PITPNC1: variants seen among roughly 807,000 people sequenced by gnomAD.
The protein encoded by PITPNC1 is cytoplasmic phosphatidylinositol transfer protein 1.
A neutral mutation model predicts 44.7 loss-of-function variants in PITPNC1; 18 were observed. The ratio of observed to expected loss-of-function variants is 0.40; its 90% CI spans 0.28 to 0.60. PITPNC1 has a LOEUF of 0.60. Ranked by LOEUF, PITPNC1 falls within the 20% of genes least tolerant of loss-of-function variation. PITPNC1 has a pLI of 0.39. For missense variants in PITPNC1, 290 were observed against 418.4 expected, an observed-to-expected ratio of 0.69 and a Z score of 2.68; for synonymous variants, 141 against 149.6, an observed-to-expected ratio of 0.94 and a Z score of 0.42.
At chr17:67,640,393 G>C (rs1242835691) in intron 6 of PITPNC1, among the ~76,000 whole-genome samples, 2 of 152,164 alleles carry the variant, frequency 1.3e-5, no homozygotes, top group South Asian at 4.1e-4. Flanking sequence ...GAAATTGAGA[G>C]AGAAGGCCAG....
chr17:67,532,434 C>T (rs2040474267), intron 1 of PITPNC1, among the ~76,000 whole-genome samples: 1 of 152,164 alleles, frequency 6.6e-6, no homozygotes, highest in African/African-American at 2.4e-5. Flanking sequence ...ATCACACACC[C>T]TCGGCTGTCT....
intron 7 of PITPNC1, among the ~76,000 whole-genome samples, chr17:67,675,009 T>TAA (rs1760446441): frequency 1.5e-5 from 1 of 64,802 alleles, no homozygotes. Flanking sequence ...AGACTCTGTC[T>TAA]CAAAAAAAAA....
rs374833998 is a variant in PITPNC1 at position 67,520,362 on chromosome 17, A to G, written c.49-12440A>G. On this transcript the variant is annotated intron_variant, in intron 1 of 8. Coordinates refer to ENST00000581322, the MANE Select transcript of PITPNC1 (RefSeq NM_012417.4). The stretch of plus-strand genomic sequence containing the variant: ...GATTTTCCCTCTTTTTGGTCTTGTG[A>G]TTGACTGTGGGTTTATGTTCTGTAG... Among the ~76,000 whole-genome samples the G allele has an allele frequency of 8.5e-5, 13 of 152,218 alleles. No homozygotes were observed. In the East Asian group the frequency reaches 2.3e-3, roughly 27 times the overall value.
chr17:67,435,107 T>TAA (rs1598658587), intron 1 of PITPNC1, among the ~76,000 whole-genome samples: 4 of 62,578 alleles, frequency 6.4e-5, no homozygotes, highest in South Asian at 6.9e-4. Context: ...AGACTCCATC[T>TAA]CAAAAAAAAA....
intron 1 of PITPNC1, among the ~76,000 whole-genome samples, chr17:67,439,325 G>A (rs940394972): frequency 2.6e-5 from 4 of 152,104 alleles, no homozygotes; most frequent in Non-Finnish European, 5.9e-5. Context: ...TGGCATGGCC[G>A]TCACCCTCCT....
chr17:67,403,237 A>AAAAAAAAAAAAAAAAAC (rs2038348845), intron 1 of PITPNC1, among the ~76,000 whole-genome samples: 1 of 151,214 alleles, frequency 6.6e-6, no homozygotes, highest in Non-Finnish European at 1.5e-5. Flanking sequence ...AAAAAAAAAA[A>AAAAAAAAAAAAAAAAAC]AAAAGTCATG....
intron 1 of PITPNC1, among the ~76,000 whole-genome samples, chr17:67,512,433 G>A (rs1018868140): frequency 8.6e-5 from 13 of 150,988 alleles, no homozygotes; most frequent in African/African-American, 2.2e-4. Flanking sequence ...CCTGGGAGGC[G>A]GAGGTTGCAG....
chr17:67,498,665 G>C (rs930513970), intron 1 of PITPNC1, among the ~76,000 whole-genome samples: 2 of 152,172 alleles, frequency 1.3e-5, no homozygotes, highest in Non-Finnish European at 2.9e-5. Context: ...CTCATCAATG[G>C]TGTGCAATGA....
chr17:67,616,519 C>T (rs1410353878), intron 5 of PITPNC1, among the ~76,000 whole-genome samples: 1 of 152,126 alleles, frequency 6.6e-6, no homozygotes, highest in African/African-American at 2.4e-5. Context: ...TTTTTCTCAT[C>T]GGTCACTGTA....
intron 1 of PITPNC1, among the ~76,000 whole-genome samples, chr17:67,419,846 C>G (rs1021488490): frequency 6.6e-6 from 1 of 151,080 alleles, no homozygotes; most frequent in Non-Finnish European, 1.5e-5. Flanking sequence ...GTGGAAGTTG[C>G]AGTGAGCCGA....
Position 67,599,018 on chromosome 17 carries a change from ATATATATATATATATATTTT to A in PITPNC1, c.366+20763_366+20782del, listed in dbSNP as rs1201926696. On this transcript the variant is annotated intron_variant, in intron 5 of 8. Transcript: ENST00000581322. ...AAGAAATACATATATATATATATATATATATATATATATATATTTTTTTTTTTTTTTTTTTTACCATGTTG... is the reference window on the plus strand; with the variant it reads ...AAGAAATACATATATATATATATATATTTTTTTTTTTTTTTTACCATGTTG... 5.3e-4 allele frequency among the ~76,000 whole-genome samples: 19 copies of A among 35,964 alleles called. 1 individual carries two copies. Among genetic ancestry groups the A allele is most frequent in the African/African-American group, 2.0e-3 (14 of 7,144 alleles). 23.6% of individuals were successfully genotyped at this position (35,964 alleles called of 152,430 possible).
In PITPNC1 at chr17:67,693,353, C is replaced by T. The variant is rs1241492198; in HGVS notation, c.*465C>T. On this transcript the variant is annotated 3_prime_UTR_variant, in exon 9 of 9. Coordinates refer to ENST00000581322, the MANE Select transcript of PITPNC1 (RefSeq NM_012417.4). Reference sequence around the variant, plus strand: ...CTGCTAATTACTAATACTTGAATACCAATAGTTACTGAGATTCCTATTTTG... The same window carrying T: ...CTGCTAATTACTAATACTTGAATACTAATAGTTACTGAGATTCCTATTTTG... 6.5e-6 allele frequency: 1 copy of T among 153,362 alleles called. No individual in the cohort carries two copies. The highest frequency in any genetic ancestry group is 1.5e-5 in the Non-Finnish European group (1 of 68,620). 9.5% of individuals were successfully genotyped at this position (153,362 alleles called of 1,614,324 possible). A position where few individuals can be genotyped will look rare whatever the true frequency, so the allele number is the denominator to read the frequency against.
intron 1 of PITPNC1, chr17:67,378,973 A>T: frequency 2.0e-6 from 2 of 985,220 alleles, no homozygotes; most frequent in Non-Finnish European, 2.4e-6. Flanking sequence ...CTCGTCCTCC[A>T]AGCGCGGCTC....
rs985127640 is a variant in PITPNC1 at position 67,378,065 on chromosome 17, G to A, written c.-90G>A. On this transcript the variant is annotated 5_prime_UTR_variant, in exon 1 of 9. Transcript: ENST00000581322. Reference sequence around the variant, plus strand: ...CCTCCGGCTCCGAGCGCCGGGCTCCGGGCGCCCTGCCCTGCGCCTGGGCAG... The same window carrying A: ...CCTCCGGCTCCGAGCGCCGGGCTCCAGGCGCCCTGCCCTGCGCCTGGGCAG... 1 of 781,754 alleles carries A rather than the reference G, an allele frequency of 1.3e-6. No homozygotes were observed. Among genetic ancestry groups the A allele is most frequent in the South Asian group, 2.5e-5 (1 of 40,666 alleles). 48.4% of individuals were successfully genotyped at this position (781,754 alleles called of 1,614,324 possible).
chr17:67,462,225 CTTT>C (rs549707875), intron 1 of PITPNC1, among the ~76,000 whole-genome samples: 13 of 71,254 alleles, frequency 1.8e-4, no homozygotes, highest in Admixed American at 1.1e-3. Context: ...TTCTTTCTTT[CTTT>C]TTTTTTTTTT....
chr17:67,634,150 G>A (rs796937067), intron 6 of PITPNC1, among the ~76,000 whole-genome samples: 4 of 152,240 alleles, frequency 2.6e-5, no homozygotes, highest in African/African-American at 7.2e-5. Context: ...GGGCACGTCC[G>A]TACCTCCTTC....
At chr17:67,479,820 A>C (rs1261397614) in intron 1 of PITPNC1, among the ~76,000 whole-genome samples, 1 of 152,176 alleles carries the variant, frequency 6.6e-6, no homozygotes, top group Non-Finnish European at 1.5e-5. Flanking sequence ...ATGTGCTCTG[A>C]GTAAAGGCAT....
chr17:67,643,909 G>A (rs533211875), intron 6 of PITPNC1, among the ~76,000 whole-genome samples: 1 of 152,152 alleles, frequency 6.6e-6, no homozygotes, highest in South Asian at 2.1e-4. Flanking sequence ...AGTGGCCACC[G>A]TGAGTGGCGT....
At chr17:67,625,486 A>G (rs1315183468) in intron 5 of PITPNC1, among the ~76,000 whole-genome samples, 1 of 152,174 alleles carries the variant, frequency 6.6e-6, no homozygotes, top group Non-Finnish European at 1.5e-5. Context: ...CAAATGAATC[A>G]TTGCTGTGGC....
Sources: gnomAD v4.1 joint callset for allele counts (sites outside exome capture counted in the v4.1 genomes callset) on GRCh38, gnomAD v4.1.1 for gene constraint, MANE v1.5 for transcripts, NCBI Gene and HGNC (gene_info 2026-07-23, HGNC 2026-07-21) for gene names.